Variants in NUDT19 observed in about 807,000 individuals in gnomAD.
NUDT19 encodes the protein nudix hydrolase 19.
Under a neutral mutation model 22.2 loss-of-function variants are expected in NUDT19, and 31 were observed. The ratio of observed to expected loss-of-function variants is 1.40; its 90% confidence interval spans 1.05 to 1.89. The LOEUF is 1.89. Among genes scored for constraint, NUDT19 ranks in the 40% most tolerant of loss-of-function variants. NUDT19 has a pLI of 0.00. For synonymous variants in NUDT19, 325 were observed against 230.8 expected, an observed-to-expected ratio of 1.41 and a Z score of -3.70; for missense variants, 752 against 514.2, an observed-to-expected ratio of 1.46 and a Z score of -4.47.
chr19:32,692,440 A>G lies in NUDT19; in HGVS notation c.480A>G (p.Pro160=), dbSNP rs781302090. 1.3e-6 allele frequency: 2 copies of G among 1,547,926 alleles called. No individual in the cohort carries two copies. Among genetic ancestry groups the G allele is most frequent in the Non-Finnish European group, 1.7e-6 (2 of 1,152,904 alleles). Residue 160 remains proline, a synonymous_variant, in exon 1 of 3, where the codon CCA becomes CCG. Coordinates refer to ENST00000397061, the MANE Select transcript of NUDT19 (RefSeq NM_001105570.2). ...CCGGGCCTGGCCTCGCCCTGGAGCCACCGCCGGGCCTGGCCTCCTGGCGCG... is the reference window on the plus strand; with the variant it reads ...CCGGGCCTGGCCTCGCCCTGGAGCCGCCGCCGGGCCTGGCCTCCTGGCGCG... ...PAPGPGLALE[P]PPGLASWRDR...
chr19:32,708,057 G>C (rs1171697592), intron 1 of NUDT19, among the ~76,000 whole-genome samples: 1 of 151,184 alleles, frequency 6.6e-6, no homozygotes, highest in Non-Finnish European at 1.5e-5. Context: ...GGCTGAGGCA[G>C]AGAATTGCTT....
rs1488937572 is a variant in NUDT19 at position 32,694,602 on chromosome 19, T to TC, written c.714+1928_714+1929insC. ...TGGCCCTGTGCTGATGGACTTGAGC[T>TC]TTGAGGGGCACTGATAGGGTCTGAT... On this transcript the variant is annotated intron_variant, in intron 1 of 2. Coordinates refer to ENST00000397061, the MANE Select transcript of NUDT19 (RefSeq NM_001105570.2). Among the ~76,000 whole-genome samples the TC allele has an allele frequency of 2.0e-5, 3 of 152,194 alleles. No homozygotes were observed. The East Asian group carries it at 5.8e-4, about 29-fold the overall frequency.
At chr19:32,709,689 C>T (rs1968425663) in intron 2 of NUDT19, among the ~76,000 whole-genome samples, 1 of 149,848 alleles carries the variant, frequency 6.7e-6, no homozygotes, top group South Asian at 2.1e-4. Flanking sequence ...TTCCCTCTGT[C>T]ACCCAGGCTG....
At chr19:32,699,225 A>T (rs535366950) in intron 1 of NUDT19, among the ~76,000 whole-genome samples, 46 of 152,308 alleles carry the variant, frequency 3.0e-4, no homozygotes, top group Non-Finnish European at 5.6e-4. Context: ...CTAGAAAAGC[A>T]CCAGAGATGG....
At chr19:32,703,648 C>CTTTTTTTTTTTTT (rs60766132) in intron 1 of NUDT19, among the ~76,000 whole-genome samples, 4 of 68,398 alleles carry the variant, frequency 5.8e-5, no homozygotes, top group Non-Finnish European at 1.1e-4. Flanking sequence ...TGTGCCCAGC[C>CTTTTTTTTTTTTT]TTTTTTTTTT....
At chr19:32,701,695 T>A (rs1599799598) in intron 1 of NUDT19, among the ~76,000 whole-genome samples, 1 of 152,356 alleles carries the variant, frequency 6.6e-6, no homozygotes, top group South Asian at 2.1e-4. Flanking sequence ...ATGGATTAAC[T>A]CTTTGATGAT....
chr19:32,701,654 CTG>C (rs1030027125), intron 1 of NUDT19, among the ~76,000 whole-genome samples: 3 of 152,194 alleles, frequency 2.0e-5, no homozygotes, highest in Non-Finnish European at 4.4e-5. Context: ...AAGGTACTGA[CTG>C]TATCTACATT....
chr19:32,701,389 A>C (rs562550488), intron 1 of NUDT19, among the ~76,000 whole-genome samples: 16 of 152,028 alleles, frequency 1.1e-4, no homozygotes, highest in Middle Eastern at 3.4e-3. Flanking sequence ...TATTTTTAGT[A>C]GGGACGGGTT....
intron 1 of NUDT19, among the ~76,000 whole-genome samples, chr19:32,703,284 A>G (rs1275012713): frequency 6.6e-6 from 1 of 152,050 alleles, no homozygotes; most frequent in Non-Finnish European, 1.5e-5. Flanking sequence ...TACAGGCATC[A>G]GCCACCACAC....
chr19:32,711,800 C>A lies in NUDT19; in HGVS notation c.971C>A (p.Ser324Tyr). 1.2e-6 allele frequency: 2 copies of A among 1,613,528 alleles called. No individual in the cohort carries two copies. The highest frequency in any genetic ancestry group is 1.7e-6 in the Non-Finnish European group (2 of 1,179,644). Residue 324 changes from serine to tyrosine, a missense_variant, in exon 3 of 3, where the codon TCT becomes TAT. Ser to Tyr is a moderately radical substitution (Grantham distance 144). Coordinates refer to ENST00000397061, the MANE Select transcript of NUDT19 (RefSeq NM_001105570.2). ...EDSDFLENLMSTEKKTEEIMK... is the reference protein window; with the variant it reads ...EDSDFLENLMYTEKKTEEIMK... ...TCAGACTTTTTGGAAAATCTTATGT[C>A]TACTGAAAAAAAGACTGAGGAAATC...
chr19:32,709,543 A>T (rs569242538), intron 2 of NUDT19, 151 bp downstream of exon 2: 1 of 634,022 alleles, frequency 1.6e-6, no homozygotes, highest in South Asian at 1.9e-5. Flanking sequence ...CCTATAAAAT[A>T]TCCATATTAT....
At chr19:32,705,204 C>T (rs904918876) in intron 1 of NUDT19, among the ~76,000 whole-genome samples, 2 of 150,634 alleles carry the variant, frequency 1.3e-5, no homozygotes, top group Non-Finnish European at 2.9e-5. Context: ...GGGTGGATCA[C>T]GAGGTCAGCA....
At chr19:32,707,239 G>A (rs117331731) in intron 1 of NUDT19, among the ~76,000 whole-genome samples, 4 of 152,254 alleles carry the variant, frequency 2.6e-5, no homozygotes, top group East Asian at 1.9e-4. Flanking sequence ...GAACTCATAC[G>A]GTTGCCTTGG....
intron 1 of NUDT19, among the ~76,000 whole-genome samples, chr19:32,700,542 G>A (rs184982452): frequency 7.5e-4 from 114 of 152,282 alleles, no homozygotes; most frequent in African/African-American, 2.0e-3. Context: ...AGTGATTCTC[G>A]TCTCAGCTTC....
At chr19:32,708,298 G>A (rs950927215) in intron 1 of NUDT19, among the ~76,000 whole-genome samples, 95 of 151,562 alleles carry the variant, frequency 6.3e-4, no homozygotes, top group African/African-American at 2.2e-3. Flanking sequence ...GTGGTGGTGG[G>A]CGCCTGTAGT....
At chr19:32,699,637 G>A (rs978094168) in intron 1 of NUDT19, among the ~76,000 whole-genome samples, 3 of 152,126 alleles carry the variant, frequency 2.0e-5, no homozygotes, top group African/African-American at 7.2e-5. Context: ...CAAATTCTAA[G>A]GAAAAATAGG....
chr19:32,692,636 C>A lies in NUDT19; in HGVS notation c.676C>A (p.Pro226Thr), dbSNP rs1446126111. ...FFLCCLREPP[P>T]VYPDLAEVVG... is the part of the protein sequence containing the mutation. ...CCTGTGCTGCCTGCGCGAGCCGCCG[C>A]CCGTCTACCCCGACTTGGCGGAGGT... The change falls in exon 1 of 3, where the codon CCC (proline) becomes ACC (threonine). Residue 226 changes from proline (P) to threonine (T), a missense_variant. Transcript: ENST00000397061. 1.3e-6 allele frequency: 2 copies of A among 1,526,714 alleles called. No homozygotes were observed. The highest frequency in any genetic ancestry group is 2.4e-5 in the East Asian group (1 of 41,978). 94.6% of individuals were successfully genotyped at this position (1,526,714 alleles called of 1,614,324 possible).
chr19:32,693,202 A>G (rs1368273550), intron 1 of NUDT19, among the ~76,000 whole-genome samples: 3 of 152,046 alleles, frequency 2.0e-5, no homozygotes, highest in African/African-American at 7.2e-5. Context: ...GTTCTTAAAG[A>G]TGGTGTGTCC....
intron 1 of NUDT19, among the ~76,000 whole-genome samples, chr19:32,706,910 A>T (rs2145366459): frequency 6.6e-6 from 1 of 152,238 alleles, no homozygotes; most frequent in East Asian, 1.9e-4. Flanking sequence ...CCAAAATTCA[A>T]GCTGTGTCTC....
Sources: allele counts gnomAD v4.1 joint callset (sites outside exome capture counted in the v4.1 genomes callset), GRCh38; gene constraint gnomAD v4.1.1; transcripts MANE v1.5; gene names NCBI Gene and HGNC (gene_info 2026-07-23, HGNC 2026-07-21).